Variants in DOCK11 observed in about 807,000 individuals in gnomAD.
DOCK11 encodes dedicator of cytokinesis 11, also known as dedicator of cytokinesis protein 11.
A neutral mutation model predicts 169.1 loss-of-function variants in DOCK11; 70 were observed. The observed-to-expected ratio is 0.41, with a 90% CI of 0.34 to 0.51. DOCK11 has a LOEUF of 0.51. Ranked by LOEUF, DOCK11 falls within the 20% of genes least tolerant of loss-of-function variation. DOCK11 has a pLI of 0.10. For missense variants in DOCK11, 1,166 were observed against 1,538.8 expected, an observed-to-expected ratio of 0.76 and a Z score of 4.05; for synonymous variants, 529 against 541.3, an observed-to-expected ratio of 0.98 and a Z score of 0.32.
chrX:118,613,776 T>C (rs2014743115), intron 28 of DOCK11, among the ~76,000 whole-genome samples: 1 of 112,374 alleles, frequency 8.9e-6, no homozygotes, highest in Non-Finnish European at 1.9e-5. Context: ...GCGCTATGAC[T>C]GTGCTACCAC....
Position 118,654,751 on chromosome X carries a change from A to G in DOCK11, c.4845A>G (p.Pro1615=), listed in dbSNP as rs2016025309. 8.3e-7 allele frequency: 1 copy of G among 1,210,224 alleles called. No homozygotes were observed. The highest frequency in any genetic ancestry group is 1.1e-6 in the Non-Finnish European group (1 of 895,372). ...TAGCCAAGTCCTATGCAAGCACCCC[A>G]GAGCTCAGGAAAACCTGGCTTGATA... The part of the protein sequence containing the change: ...YSLAKSYAST[P]ELRKTWLDSM... The change falls in exon 43 of 53, where the codon CCA becomes CCG. Residue 1615 remains proline, a synonymous_variant. Coordinates refer to ENST00000276202, the MANE Select transcript of DOCK11 (RefSeq NM_144658.4).
rs1174860954 is a variant in DOCK11 at position 118,561,497 on chromosome X, G to T, written c.673G>T (p.Ala225Ser). Reference protein sequence around the residue: ...KESKGCIYLDACIDVVQCPKM... With the variant: ...KESKGCIYLDSCIDVVQCPKM... ...ATCGAAAGGTTGCATCTACTTGGAC[G>T]CCTGCATTGATGTTGTTCAGGTAAG... is the stretch of plus-strand genomic sequence containing the variant. The change falls in exon 7 of 53, where the codon GCC becomes TCC. Residue 225 changes from alanine (A) to serine (S), a missense_variant. Physicochemically the swap from Ala to Ser is moderately conservative, Grantham distance 99. Transcript: ENST00000276202. The T allele has an allele frequency of 5.0e-6, 6 of 1,198,512 alleles. No individual in the cohort carries two copies. In the African/African-American group the frequency reaches 8.8e-5, roughly 18 times the overall value.
intron 40 of DOCK11, among the ~76,000 whole-genome samples, chrX:118,648,277 A>G (rs2015846489): frequency 1.1e-5 from 1 of 89,437 alleles, no homozygotes; most frequent in Admixed American, 1.6e-4. Context: ...ATAGTGATAT[A>G]GTGGCAATTA....
chrX:118,618,779 G>T (rs2014887497), intron 31 of DOCK11, 51 bp downstream of exon 31: 1 of 947,829 alleles, frequency 1.1e-6, no homozygotes, highest in South Asian at 3.3e-5. Flanking sequence ...GTTCTACTAT[G>T]ATTTTTTATA....
intron 45 of DOCK11, among the ~76,000 whole-genome samples, chrX:118,667,514 G>A (rs925268652): frequency 1.9e-5 from 2 of 108,008 alleles, no homozygotes; most frequent in East Asian, 2.9e-4. Flanking sequence ...TCAAAAGTTC[G>A]GTTTTTCATA....
intron 1 of DOCK11, among the ~76,000 whole-genome samples, chrX:118,536,934 G>A (rs999765392): frequency 9.0e-6 from 1 of 111,517 alleles, no homozygotes; most frequent in African/African-American, 3.3e-5. Flanking sequence ...AAGCACTCTA[G>A]GCTCTGCTTA....
At chrX:118,511,695 C>T (rs908227193) in intron 1 of DOCK11, among the ~76,000 whole-genome samples, 1 of 111,113 alleles carries the variant, frequency 9.0e-6, no homozygotes, top group African/African-American at 3.3e-5. Flanking sequence ...ACCCTGGAAC[C>T]TCTGGGGCTG....
At chrX:118,547,853 G>A (rs1603051414) in intron 6 of DOCK11, among the ~76,000 whole-genome samples, 2 of 112,245 alleles carry the variant, frequency 1.8e-5, no homozygotes, top group East Asian at 2.8e-4. Flanking sequence ...TGGTTGTATC[G>A]TTTTTGACTG....
chrX:118,540,232 A>G lies in DOCK11; in HGVS notation c.103-2493A>G, dbSNP rs184523389. Among the ~76,000 whole-genome samples, 14 of 110,972 alleles carry G rather than the reference A, an allele frequency of 1.3e-4. No individual in the cohort carries two copies. In the East Asian group the frequency reaches 3.7e-3, roughly 29 times the overall value. ...TTTGAGGACTGTTTTTGCAATCTGT[A>G]CTAGGAAAATAGTTGGCACCAAAAG... On this transcript the variant is annotated intron_variant, in intron 1 of 52. Transcript: ENST00000276202.
intron 1 of DOCK11, among the ~76,000 whole-genome samples, chrX:118,504,800 A>AC (rs1320369035): frequency 1.8e-5 from 2 of 111,660 alleles, no homozygotes; most frequent in Non-Finnish European, 3.8e-5. Context: ...CCCACCCTGG[A>AC]CGCTCCCAGA....
intron 1 of DOCK11, among the ~76,000 whole-genome samples, chrX:118,521,847 TAA>T (rs1334823751): frequency 1.8e-5 from 2 of 112,092 alleles, no homozygotes; most frequent in Non-Finnish European, 3.8e-5. Flanking sequence ...AACATATCAA[TAA>T]GTGTGTTTCT....
chrX:118,616,961 A>C (rs777965304), intron 30 of DOCK11, among the ~76,000 whole-genome samples: 134 of 111,922 alleles, frequency 1.2e-3, no homozygotes, highest in African/African-American at 4.2e-3. Context: ...TAATTCACCC[A>C]ATATTTATTT....
intron 12 of DOCK11, 26 bp downstream of exon 12, chrX:118,574,044 A>G (rs1461071040): frequency 2.1e-5 from 24 of 1,156,917 alleles, no homozygotes; most frequent in Non-Finnish European, 2.8e-5. Context: ...TAGTCTTAGC[A>G]GCGTATTCAG....
chrX:118,593,302 G>A lies in DOCK11; in HGVS notation c.2228G>A (p.Gly743Glu), dbSNP rs751823581. Reference sequence around the variant, plus strand: ...GTAAGTTGTGAAATTAACACAAAGGGAACAACCAAAAAGCAAGACACAGTT... The same window carrying A: ...GTAAGTTGTGAAATTAACACAAAGGAAACAACCAAAAAGCAAGACACAGTT... ...YHVSCEINTKGTTKKQDTVET... is the reference protein window; with the variant it reads ...YHVSCEINTKETTKKQDTVET... The change falls in exon 20 of 53, where the codon GGA becomes GAA. Residue 743 changes from glycine (G) to glutamate (E), a missense_variant. Transcript: ENST00000276202. The A allele has an allele frequency of 4.3e-5, 52 of 1,202,232 alleles. No individual in the cohort carries two copies. Among genetic ancestry groups the A allele is most frequent in the Non-Finnish European group, 5.6e-5 (50 of 892,442 alleles).
At chrX:118,587,134 GATA>G (rs1163839544) in intron 16 of DOCK11, among the ~76,000 whole-genome samples, 1 of 112,139 alleles carries the variant, frequency 8.9e-6, no homozygotes, top group Non-Finnish European at 1.9e-5. Context: ...GTGTGGTTAA[GATA>G]ATGATGCTAC....
rs779965447 is a variant in DOCK11 at position 118,670,979 on chromosome X, TA to T, written c.5077-40del. The T allele has an allele frequency of 1.0e-4, 115 of 1,139,701 alleles. No individual in the cohort carries two copies. In the South Asian group the frequency reaches 2.4e-3, roughly 24 times the overall value. The allele number at this position is 1,139,701 out of a possible 1,213,427, so 93.9% of individuals were successfully genotyped here. On this transcript the variant is annotated intron_variant, in intron 45 of 52. Coordinates refer to ENST00000276202, the MANE Select transcript of DOCK11 (RefSeq NM_144658.4). Reference sequence around the variant, plus strand: ...TTCAAAATTTATTTGTCCAAAACTCTAAAACTATTTTTAATTCCTAATTGGA... The same window carrying T: ...TTCAAAATTTATTTGTCCAAAACTCTAAACTATTTTTAATTCCTAATTGGA...
intron 1 of DOCK11, among the ~76,000 whole-genome samples, chrX:118,526,605 T>C (rs2011383055): frequency 8.9e-6 from 1 of 112,224 alleles, no homozygotes; most frequent in South Asian, 3.7e-4. Context: ...TCCTGGGTTC[T>C]GGGAAACTTT....
chrX:118,497,740 CAAAA>C (rs377520509), intron 1 of DOCK11, among the ~76,000 whole-genome samples: 16 of 112,064 alleles, frequency 1.4e-4, no homozygotes, highest in African/African-American at 5.2e-4. Context: ...TCAGAGAAAA[CAAAA>C]AACCTTCCTT....
At chrX:118,639,752 A>G (rs1211860932) in intron 38 of DOCK11, among the ~76,000 whole-genome samples, 175 bp downstream of exon 38, 1 of 112,054 alleles carries the variant, frequency 8.9e-6, no homozygotes, top group Admixed American at 9.5e-5. Flanking sequence ...TCCTGGTTTA[A>G]ATTGCCAATA....
Sources: gnomAD v4.1 joint callset for allele counts (sites outside exome capture counted in the v4.1 genomes callset) on GRCh38, gnomAD v4.1.1 for gene constraint, MANE v1.5 for transcripts, NCBI Gene and HGNC (gene_info 2026-07-23, HGNC 2026-07-21) for gene names.